SLC37A3: variants seen among roughly 807,000 people sequenced by gnomAD.
SLC37A3 encodes solute carrier family 37 member 3, also known as sugar phosphate exchanger 3.
SLC37A3 carries 51 observed loss-of-function variants against 67.1 expected under a neutral mutation model. The observed-to-expected ratio is 0.76, with a 90% CI of 0.61 to 0.96. The LOEUF (loss-of-function observed/expected upper bound fraction) is 0.96. SLC37A3 is among the 40% of genes least tolerant of loss of function. The pLI is 0.00. For missense variants in SLC37A3, 508 were observed against 603.0 expected (o/e 0.84, Z 1.65); for synonymous variants, 214 against 231.4 (o/e 0.92, Z 0.68).
rs570637874 is a variant in SLC37A3, at chr7:140,334,259, T to C, written c.*1153A>G. ...CTCGATTATAAAATAGAGTTTGTGT[T>C]AGATGATTCTGCCCAACTGTGGGCA... On this transcript the variant is annotated 3_prime_UTR_variant, in exon 15 of 15. Transcript: ENST00000326232. 1 of 152,318 alleles carries C rather than the reference T, an allele frequency of 6.6e-6. No homozygotes were observed. Among genetic ancestry groups the C allele is most frequent in the Admixed American group, 6.5e-5 (1 of 15,290 alleles). The allele number at this position is 152,318 out of a possible 1,614,324, so 9.4% of individuals were successfully genotyped here. A position where few individuals can be genotyped will look rare whatever the true frequency, so the allele number is the denominator to read the frequency against.
chr7:140,339,452 G>T (rs186122094), intron 13 of SLC37A3, among the ~76,000 whole-genome samples: 1,800 of 151,640 alleles, frequency 0.012, 17 homozygotes, highest in Middle Eastern at 0.021. Context: ...GTAGAGACAG[G>T]GTTTCACCAT....
chr7:140,345,089 T>A, intron 12 of SLC37A3, 127 bp downstream of exon 12: 1 of 800,264 alleles, frequency 1.2e-6, no homozygotes. Flanking sequence ...GCGTTTTTCC[T>A]TTTAAAATTT....
chr7:140,380,571 C>T (rs1798211537), intron 2 of SLC37A3, among the ~76,000 whole-genome samples, 181 bp from the exon 3 acceptor site: 1 of 152,138 alleles, frequency 6.6e-6, no homozygotes, highest in African/African-American at 2.4e-5. Context: ...TTTTTTGAGA[C>T]AGGATCTCGC....
intron 1 of SLC37A3, among the ~76,000 whole-genome samples, chr7:140,387,547 G>A (rs1798502712): frequency 6.9e-6 from 1 of 145,188 alleles, no homozygotes. Context: ...CCTAGAAGGT[G>A]GAGGCTGCGG....
intron 4 of SLC37A3, among the ~76,000 whole-genome samples, chr7:140,365,089 A>C (rs1479084350): frequency 6.6e-6 from 1 of 152,204 alleles, no homozygotes; most frequent in East Asian, 1.9e-4. Context: ...CAGGGAGAGT[A>C]GGAAGGCAGA....
At chr7:140,354,807 T>C (rs1204968620) in intron 7 of SLC37A3, among the ~76,000 whole-genome samples, 2 of 151,286 alleles carry the variant, frequency 1.3e-5, no homozygotes, top group African/African-American at 4.9e-5. Context: ...GTGGTGTATC[T>C]TGGCTCACTG....
chr7:140,351,242 C>T (rs1796781793), intron 9 of SLC37A3, 31 bp downstream of exon 9: 2 of 1,597,520 alleles, frequency 1.3e-6, no homozygotes, highest in East Asian at 4.5e-5. Context: ...TCATACCTCC[C>T]TGGCTGTGGT....
chr7:140,356,961 C>G (rs1405914055), intron 6 of SLC37A3, among the ~76,000 whole-genome samples: 1 of 152,054 alleles, frequency 6.6e-6, no homozygotes, highest in Admixed American at 6.6e-5. Flanking sequence ...GCCTATAGTC[C>G]CAGCACTTTG....
intron 5 of SLC37A3, among the ~76,000 whole-genome samples, chr7:140,362,422 G>A (rs1226161679): frequency 1.5e-5 from 2 of 132,930 alleles, no homozygotes; most frequent in South Asian, 2.6e-4. Context: ...GGGAGGTGGG[G>A]GGGGGGGTCA....
chr7:140,396,740 A>T (rs1478878875), intron 1 of SLC37A3, among the ~76,000 whole-genome samples: 1 of 152,186 alleles, frequency 6.6e-6, no homozygotes, highest in African/African-American at 2.4e-5. Flanking sequence ...TAACTTTTAT[A>T]AAAGTATTGT....
intron 6 of SLC37A3, among the ~76,000 whole-genome samples, chr7:140,356,181 G>A (rs1456471564): frequency 1.4e-5 from 2 of 143,304 alleles, no homozygotes; most frequent in Admixed American, 1.4e-4. Flanking sequence ...ACAACAAAGC[G>A]AGACTCCACC....
Position 140,335,107 on chromosome 7 carries a change from G to A in SLC37A3, c.*305C>T, listed in dbSNP as rs576288954. 6 of 1,003,172 alleles carry A rather than the reference G, an allele frequency of 6.0e-6. No individual in the cohort carries two copies. Among genetic ancestry groups the A allele is most frequent in the South Asian group, 3.4e-5 (2 of 58,790 alleles). 62.1% of individuals were successfully genotyped at this position (1,003,172 alleles called of 1,614,324 possible). A position where few individuals can be genotyped will look rare whatever the true frequency, so the allele number is the denominator to read the frequency against. On this transcript the variant is annotated 3_prime_UTR_variant, in exon 15 of 15. Transcript: ENST00000326232. ...CCAAAACAACAGTTAAGGTTAAAAC[G>A]CTAAACCTCAATAGGCCAAACAAAG...
At chr7:140,358,503 C>G in intron 6 of SLC37A3, 137 bp downstream of exon 6, 1 of 1,218,918 alleles carries the variant, frequency 8.2e-7, no homozygotes, top group Non-Finnish European at 1.2e-6. Flanking sequence ...AACCCTCTCT[C>G]CCTGAACAAC....
rs762136373 is a variant in SLC37A3 at position 140,351,413 on chromosome 7, C to T, written c.742G>A (p.Asp248Asn). The T allele has an allele frequency of 1.9e-6, 3 of 1,614,090 alleles. No homozygotes were observed. The highest frequency in any genetic ancestry group is 2.2e-5 in the East Asian group (1 of 44,880). Residue 248 changes from aspartate to asparagine, a missense_variant, in exon 9 of 15, where the codon GAC (aspartate) becomes AAC (asparagine). By Grantham distance (23) the Asp-to-Asn change is conservative. Coordinates refer to ENST00000326232, the MANE Select transcript of SLC37A3 (RefSeq NM_207113.3). Reference sequence around the variant, plus strand: ...CCATTAATTAATGGCCTGTGTGAGTCTTCTTCAAAGTTTTCTTCTGCCTCA... The same window carrying T: ...CCATTAATTAATGGCCTGTGTGAGTTTTCTTCAAAGTTTTCTTCTGCCTCA... Reference protein sequence around the residue: ...GIEAEENFEEDSHRPLINGGE... With the variant: ...GIEAEENFEENSHRPLINGGE...
At chr7:140,340,727 G>A (rs907246677) in intron 13 of SLC37A3, among the ~76,000 whole-genome samples, 6 of 151,512 alleles carry the variant, frequency 4.0e-5, no homozygotes, top group African/African-American at 7.3e-5. Flanking sequence ...CCAGGAGTTT[G>A]AGACCAGTCT....
intron 2 of SLC37A3, 67 bp from the exon 3 acceptor site, chr7:140,380,457 T>A: frequency 9.2e-7 from 1 of 1,092,474 alleles, no homozygotes; most frequent in Non-Finnish European, 1.3e-6. Flanking sequence ...AAATCACAGG[T>A]ATAGGCCCAT....
At chr7:140,335,590 C>G (rs1289986300) in intron 14 of SLC37A3, 86 bp from the exon 15 acceptor site, 4 of 1,447,322 alleles carry the variant, frequency 2.8e-6, no homozygotes, top group Non-Finnish European at 3.8e-6. Context: ...TGGATTTGGA[C>G]AATTACATTC....
chr7:140,387,178 G>A (rs1798486798), intron 1 of SLC37A3, among the ~76,000 whole-genome samples: 1 of 151,884 alleles, frequency 6.6e-6, no homozygotes, highest in Non-Finnish European at 1.5e-5. Flanking sequence ...ATAGTCACCG[G>A]TAGGGCACAG....
intron 3 of SLC37A3, among the ~76,000 whole-genome samples, chr7:140,372,098 C>T (rs1309581236): frequency 6.6e-6 from 1 of 152,212 alleles, no homozygotes; most frequent in Admixed American, 6.5e-5. Context: ...GATCCACCTG[C>T]CTCGGCCTCC....
Sources: allele counts gnomAD v4.1 joint callset (sites outside exome capture counted in the v4.1 genomes callset), GRCh38; gene constraint gnomAD v4.1.1; transcripts MANE v1.5; gene names NCBI Gene and HGNC (gene_info 2026-07-23, HGNC 2026-07-21).